The following PCDHA5 variants were observed in gnomAD, a reference collection of about 807,000 sequenced individuals.
PCDHA5 encodes the protein protocadherin alpha-5.
Under a neutral mutation model 61.6 loss-of-function variants are expected in PCDHA5, and 43 were observed. The observed-to-expected ratio is 0.70, with a 90% CI of 0.55 to 0.90. The LOEUF (loss-of-function observed/expected upper bound fraction) is 0.90. PCDHA5 is among the 40% of genes least tolerant of loss of function. The pLI is 0.00. For synonymous variants in PCDHA5, 627 were observed against 543.9 expected (o/e 1.15, Z -2.13); for missense variants, 1,298 against 1,222.7 (o/e 1.06, Z -0.92).
chr5:140,875,591 A>C, intron 1 of PCDHA5: 2 of 1,613,998 alleles, frequency 1.2e-6, no homozygotes, highest in Non-Finnish European at 1.7e-6. Context: ...GAGGAGGCCA[A>C]ACACGGCACC....
intron 1 of PCDHA5, chr5:140,884,079 A>G (rs2059982825): frequency 5.6e-6 from 9 of 1,613,504 alleles, no homozygotes; most frequent in South Asian, 3.3e-5. Context: ...TCGGGCTACA[A>G]TGCGTGGCTT....
chr5:140,910,652 T>C (rs2075120001), intron 1 of PCDHA5, among the ~76,000 whole-genome samples: 1 of 152,204 alleles, frequency 6.6e-6, no homozygotes, highest in Non-Finnish European at 1.5e-5. Flanking sequence ...TTTTGATCCC[T>C]TCCTCTACAT....
intron 3 of PCDHA5, among the ~76,000 whole-genome samples, chr5:140,984,822 AC>A (rs1398539032): frequency 6.6e-6 from 1 of 152,126 alleles, no homozygotes; most frequent in Non-Finnish European, 1.5e-5. Flanking sequence ...TTTCTTAATT[AC>A]CCTTTCTGTA....
chr5:140,898,349 C>A (rs1310511547), intron 1 of PCDHA5, among the ~76,000 whole-genome samples: 1 of 152,168 alleles, frequency 6.6e-6, no homozygotes, highest in African/African-American at 2.4e-5. Flanking sequence ...TTTAATCCAT[C>A]TTGAATTAAT....
At chr5:140,882,318 G>T (rs534213144) in intron 1 of PCDHA5, 1 of 1,614,128 alleles carries the variant, frequency 6.2e-7, no homozygotes, top group African/African-American at 1.3e-5. Flanking sequence ...CTACTGCTCT[G>T]GCTTCTGATC....
intron 1 of PCDHA5, chr5:140,928,165 C>G: frequency 6.2e-7 from 1 of 1,614,200 alleles, no homozygotes; most frequent in Non-Finnish European, 8.5e-7. Context: ...CTCACCCCCA[C>G]TTAGCACCCG....
At chr5:140,967,405 G>A in intron 1 of PCDHA5, 1 of 1,612,164 alleles carries the variant, frequency 6.2e-7, no homozygotes, top group Non-Finnish European at 8.5e-7. Context: ...TGCTGCGTAA[G>A]GGCCTAGACC....
intron 2 of PCDHA5, among the ~76,000 whole-genome samples, chr5:140,981,831 G>A (rs2096952818): frequency 6.6e-6 from 1 of 152,006 alleles, no homozygotes; most frequent in African/African-American, 2.4e-5. Flanking sequence ...TGCCTCTAAA[G>A]GTCTCCCAGT....
chr5:140,856,311 G>C, intron 1 of PCDHA5: 1 of 1,598,566 alleles, frequency 6.3e-7, no homozygotes, highest in Non-Finnish European at 8.6e-7. Context: ...GTGAATTCTC[G>C]GATTGACCGC....
intron 1 of PCDHA5, chr5:140,849,181 T>C: frequency 1.9e-6 from 2 of 1,077,314 alleles, no homozygotes; most frequent in African/African-American, 1.9e-5. Context: ...GTTCAATTAC[T>C]CATCACGGTA....
rs145265581 is a variant in PCDHA5 at position 140,822,948 on chromosome 5, C to T, written c.1173C>T (p.His391=). Reference sequence around the variant, plus strand: ...AGGTGACCTGCTCCCTAATGCCCCACGTTCCCTTCAAGCTGGTGTCCACCT... The same window carrying T: ...AGGTGACCTGCTCCCTAATGCCCCATGTTCCCTTCAAGCTGGTGTCCACCT... ...NGQVTCSLMP[H]VPFKLVSTFK... Residue 391 remains histidine, a synonymous_variant, in exon 1 of 4, where the codon CAC becomes CAT. Coordinates refer to ENST00000529859, the MANE Select transcript of PCDHA5 (RefSeq NM_018908.3). 5 of 1,614,074 alleles carry T rather than the reference C, an allele frequency of 3.1e-6. No homozygotes were observed. Among genetic ancestry groups the T allele is most frequent in the Admixed American group, 3.3e-5 (2 of 60,014 alleles).
chr5:140,861,028 C>G (rs954598633), intron 1 of PCDHA5: 1 of 152,238 alleles, frequency 6.6e-6, no homozygotes, highest in African/African-American at 2.4e-5. Context: ...CGCACCCGGC[C>G]GAAAGGTATT....
At chr5:140,910,911 T>G (rs1326687303) in intron 1 of PCDHA5, among the ~76,000 whole-genome samples, 1 of 152,170 alleles carries the variant, frequency 6.6e-6, no homozygotes, top group African/African-American at 2.4e-5. Context: ...CCTCCAGATT[T>G]TTGCTTATAT....
chr5:140,874,469 G>C (rs2054929448), intron 1 of PCDHA5, among the ~76,000 whole-genome samples: 1 of 152,212 alleles, frequency 6.6e-6, no homozygotes, highest in Non-Finnish European at 1.5e-5. Flanking sequence ...GGAAGATTTA[G>C]AGAAAAAGCA....
At chr5:140,834,576 C>T in intron 1 of PCDHA5, 2 of 1,614,098 alleles carry the variant, frequency 1.2e-6, no homozygotes, top group Non-Finnish European at 8.5e-7. Context: ...GCGCCTGTTC[C>T]GGGCGGTGTG....
chr5:140,850,117 G>T, intron 1 of PCDHA5: 2 of 1,596,096 alleles, frequency 1.3e-6, no homozygotes, highest in Non-Finnish European at 1.7e-6. Flanking sequence ...CGCGACGCGG[G>T]CGTGCCGCCT....
In PCDHA5 at chr5:140,842,941, G is replaced by T. The variant is rs1388720747; in HGVS notation, c.2352+18814G>T. 6 of 1,594,648 alleles carry T rather than the reference G, an allele frequency of 3.8e-6. No homozygotes were observed. The East Asian group carries it at 8.9e-5, about 24-fold the overall frequency. ...AGTTCCAGGTGAGCGCGCGCGACGC[G>T]GGCGTGCCGCCTCTGGGCAGCAACG... On this transcript the variant is annotated intron_variant, in intron 1 of 3. Coordinates refer to ENST00000529859, the MANE Select transcript of PCDHA5 (RefSeq NM_018908.3).
rs182574783 is a variant in PCDHA5, at chr5:140,952,922, G to A, written c.2353-26027G>A. Among the ~76,000 whole-genome samples the A allele has an allele frequency of 2.3e-3, 351 of 152,216 alleles. 2 individuals carry two copies. Among genetic ancestry groups the A allele is most frequent in the Admixed American group, 5.6e-3 (85 of 15,264 alleles). Reference sequence around the variant, plus strand: ...ATCAAGCTCATCTTACATGGCATGAGCAGGAGCAGGAGCAAGAGAGAGAGA... The same window carrying A: ...ATCAAGCTCATCTTACATGGCATGAACAGGAGCAGGAGCAAGAGAGAGAGA... On this transcript the variant is annotated intron_variant, in intron 1 of 3. Transcript: ENST00000529859.
At chr5:140,864,740 C>G (rs2048582672) in intron 1 of PCDHA5, 1 of 152,028 alleles carries the variant, frequency 6.6e-6, no homozygotes, top group African/African-American at 2.4e-5. Context: ...TCTTTGAGCA[C>G]CGATTATACT....
Sources: gnomAD v4.1 joint callset for allele counts (sites outside exome capture counted in the v4.1 genomes callset) on GRCh38, gnomAD v4.1.1 for gene constraint, MANE v1.5 for transcripts, NCBI Gene and HGNC (gene_info 2026-07-23, HGNC 2026-07-21) for gene names.